Variants in SNX29 observed in about 807,000 individuals in gnomAD.
The protein encoded by SNX29 is sorting nexin 29, also known as sorting nexin-29.
SNX29 carries 78 observed loss-of-function variants against 102.1 expected under a neutral mutation model. That is an observed-to-expected ratio of 0.76 (90% CI 0.64 to 0.92). The LOEUF is 0.92. SNX29 is among the 40% of genes least tolerant of loss of function. SNX29 has a pLI of 0.00. For missense variants in SNX29, 1,280 were observed against 1,061.7 expected (o/e 1.21, Z -2.86); for synonymous variants, 580 against 414.5 (o/e 1.40, Z -4.85).
At chr16:12,065,358 G>A (rs1177088271) in intron 9 of SNX29, among the ~76,000 whole-genome samples, 1 of 152,164 alleles carries the variant, frequency 6.6e-6, no homozygotes, top group African/African-American at 2.4e-5. Context: ...TTTTGAGTGG[G>A]AATAGTAAAC....
At chr16:12,562,836 C>T (rs564270889) in intron 20 of SNX29, among the ~76,000 whole-genome samples, 28 of 152,250 alleles carry the variant, frequency 1.8e-4, no homozygotes, top group Admixed American at 1.3e-3. Flanking sequence ...CTAGCATTCC[C>T]CTATAGGCAA....
chr16:12,002,480 A>C (rs1197874274), intron 2 of SNX29, among the ~76,000 whole-genome samples: 2 of 150,200 alleles, frequency 1.3e-5, no homozygotes, highest in African/African-American at 4.9e-5. Context: ...GCCTGCTTCT[A>C]TTTTTCCCAC....
At chr16:12,423,906 C>T (rs987514423) in intron 18 of SNX29, among the ~76,000 whole-genome samples, 1 of 152,148 alleles carries the variant, frequency 6.6e-6, no homozygotes, top group Non-Finnish European at 1.5e-5. Flanking sequence ...ATGTCAGGGC[C>T]TGTGGCCAAA....
chr16:12,426,970 A>G (rs955695003), intron 18 of SNX29, among the ~76,000 whole-genome samples: 2 of 152,216 alleles, frequency 1.3e-5, no homozygotes, highest in South Asian at 2.1e-4. Context: ...CCTGGCCAGT[A>G]TTGTAGATCT....
intron 19 of SNX29, among the ~76,000 whole-genome samples, chr16:12,506,407 G>T (rs776135450): frequency 6.6e-6 from 1 of 152,222 alleles, no homozygotes; most frequent in Non-Finnish European, 1.5e-5. Flanking sequence ...GGAAGTGGGA[G>T]ATGTTTGAAA....
At chr16:12,539,893 GTTTTACAAAGAT>G (rs1391351768) in intron 20 of SNX29, among the ~76,000 whole-genome samples, 1 of 152,194 alleles carries the variant, frequency 6.6e-6, no homozygotes, top group Non-Finnish European at 1.5e-5. Flanking sequence ...GCTGTTTGTG[GTTTTACAAAGAT>G]TTGAGTTTTG....
intron 4 of SNX29, among the ~76,000 whole-genome samples, chr16:12,037,075 C>G (rs996366031): frequency 3.9e-5 from 6 of 151,954 alleles, no homozygotes; most frequent in African/African-American, 9.7e-5. Flanking sequence ...CCAAGTAGCT[C>G]CAGGTTTCCA....
At chr16:12,427,157 T>C (rs1037351457) in intron 18 of SNX29, among the ~76,000 whole-genome samples, 16 of 152,106 alleles carry the variant, frequency 1.1e-4, no homozygotes, top group Non-Finnish European at 1.5e-5. Context: ...CCTTGGGGTC[T>C]GCAGAGCCTA....
intron 13 of SNX29, among the ~76,000 whole-genome samples, chr16:12,196,868 A>G (rs368028936): frequency 5.9e-5 from 9 of 152,108 alleles, no homozygotes; most frequent in African/African-American, 1.7e-4. Context: ...TGATCCACCC[A>G]CCTCAGCCTC....
At chr16:12,091,801 C>T (rs961348500) in intron 11 of SNX29, among the ~76,000 whole-genome samples, 5 of 151,038 alleles carry the variant, frequency 3.3e-5, no homozygotes, top group African/African-American at 1.2e-4. Context: ...AAAGGGACCC[C>T]AGAGACCTTG....
intron 14 of SNX29, among the ~76,000 whole-genome samples, chr16:12,246,012 A>G (rs536736324): frequency 1.3e-5 from 2 of 152,350 alleles, no homozygotes; most frequent in South Asian, 2.1e-4. Flanking sequence ...GGATAAGTCA[A>G]CAAAAGGTTA....
chr16:12,557,954 G>A (rs560760229), intron 20 of SNX29, among the ~76,000 whole-genome samples: 6 of 152,214 alleles, frequency 3.9e-5, no homozygotes, highest in South Asian at 4.1e-4. Context: ...CGCTTGCCCT[G>A]TCTTCCTGTG....
chr16:12,073,279 G>T (rs577575504), intron 10 of SNX29, among the ~76,000 whole-genome samples: 1 of 151,902 alleles, frequency 6.6e-6, no homozygotes, highest in African/African-American at 2.4e-5. Context: ...GTGAATTTTG[G>T]ATCTTTCCTG....
At chr16:12,243,049 A>G (rs1033770062) in intron 14 of SNX29, among the ~76,000 whole-genome samples, 33 of 152,100 alleles carry the variant, frequency 2.2e-4, no homozygotes, top group Admixed American at 5.9e-4. Context: ...GGCAGTTCAC[A>G]TGTCCGTCTT....
chr16:12,179,906 CT>C (rs1378439015), intron 13 of SNX29, among the ~76,000 whole-genome samples: 4 of 151,044 alleles, frequency 2.6e-5, no homozygotes, highest in African/African-American at 7.3e-5. Flanking sequence ...AGGAACTCTT[CT>C]TTCTCTAAAC....
chr16:12,084,530 C>G (rs2052066313), intron 11 of SNX29, among the ~76,000 whole-genome samples: 1 of 152,192 alleles, frequency 6.6e-6, no homozygotes, highest in Non-Finnish European at 1.5e-5. Context: ...GTTTCGGGCA[C>G]ACGGAGCTGT....
chr16:12,262,700 G>C (rs78035384), intron 14 of SNX29, among the ~76,000 whole-genome samples: 5,005 of 152,334 alleles, frequency 0.033, 108 homozygotes, highest in Middle Eastern at 0.071. Context: ...CCAGGGCAGT[G>C]ATGAAGGGTG....
At chr16:12,431,772 C>A (rs914563844) in intron 18 of SNX29, among the ~76,000 whole-genome samples, 1 of 152,296 alleles carries the variant, frequency 6.6e-6, no homozygotes, top group Admixed American at 6.5e-5. Flanking sequence ...TTACCTAAAC[C>A]CACAGCCGGT....
At chr16:12,169,266 G>T (rs540019747) in intron 13 of SNX29, among the ~76,000 whole-genome samples, 54 of 152,360 alleles carry the variant, frequency 3.5e-4, no homozygotes, top group African/African-American at 1.2e-3. Flanking sequence ...CCCAGTTCTA[G>T]GGAGGGTGCC....
Sources: gnomAD v4.1 joint callset for allele counts (sites outside exome capture counted in the v4.1 genomes callset) on GRCh38, gnomAD v4.1.1 for gene constraint, MANE v1.5 for transcripts, NCBI Gene and HGNC (gene_info 2026-07-23, HGNC 2026-07-21) for gene names.